SQLE: variants seen among roughly 807,000 people sequenced by gnomAD.
SQLE encodes the protein squalene monooxygenase.
In SQLE, 29 loss-of-function variants were observed where a neutral mutation model predicts 60.7. That is an observed-to-expected ratio of 0.48 (90% CI 0.36 to 0.65). The LOEUF is 0.65. Ranked by LOEUF, SQLE falls within the 30% of genes least tolerant of loss-of-function variation. The probability of loss-of-function intolerance (pLI) is 0.00; values close to 1 mark genes in which losing one functional copy is unlikely to be tolerated. For missense variants in SQLE, 605 were observed against 684.1 expected (o/e 0.88, Z 1.29); for synonymous variants, 237 against 246.8 (o/e 0.96, Z 0.37).
At chr8:125,001,285 A>G (rs889718679) in intron 1 of SQLE, among the ~76,000 whole-genome samples, 13 of 152,122 alleles carry the variant, frequency 8.5e-5, no homozygotes, top group African/African-American at 3.1e-4. Flanking sequence ...GTTACCAGCA[A>G]TCAATATTGG....
At chr8:125,015,202 T>TCA (rs1484582140) in intron 7 of SQLE, among the ~76,000 whole-genome samples, 1 of 152,214 alleles carries the variant, frequency 6.6e-6, no homozygotes, top group East Asian at 1.9e-4. Context: ...ATTTTACTGA[T>TCA]GTAAATATCA....
chr8:125,006,419 A>G (rs28706061), intron 3 of SQLE, among the ~76,000 whole-genome samples: 49,113 of 151,610 alleles, frequency 0.32, 9,304 homozygotes, highest in African/African-American at 0.51. Flanking sequence ...AGGAGTTCAA[A>G]ACCAGCCTGG....
chr8:125,010,925 T>C (rs1332259837), intron 6 of SQLE: 2 of 152,018 alleles, frequency 1.3e-5, no homozygotes, highest in African/African-American at 2.4e-5. Context: ...TAACAGAGGC[T>C]TCTGCTCCTC....
chr8:125,004,024 C>T (rs1354287240), intron 2 of SQLE, among the ~76,000 whole-genome samples: 1 of 152,152 alleles, frequency 6.6e-6, no homozygotes, highest in Non-Finnish European at 1.5e-5. Context: ...GGCTCCATCT[C>T]CAAATATCAT....
intron 1 of SQLE, among the ~76,000 whole-genome samples, chr8:125,002,715 T>C (rs1035575148): frequency 4.6e-5 from 7 of 151,816 alleles, no homozygotes; most frequent in Non-Finnish European, 8.8e-5. Flanking sequence ...AAAAAGAAAA[T>C]GTCTAAAAGG....
intron 7 of SQLE, among the ~76,000 whole-genome samples, chr8:125,014,780 A>G (rs1182297264): frequency 2.6e-5 from 4 of 152,154 alleles, no homozygotes; most frequent in African/African-American, 9.7e-5. Flanking sequence ...AAGATACTTG[A>G]TATGATTTCA....
At chr8:125,020,929 T>C (rs1715162944) in intron 10 of SQLE, 58 bp downstream of exon 10, 4 of 1,163,292 alleles carry the variant, frequency 3.4e-6, no homozygotes, top group Admixed American at 1.8e-5. Context: ...GACTGTTCAG[T>C]TGATGAATTA....
chr8:125,005,802 T>G (rs1814937801), intron 3 of SQLE, 97 bp downstream of exon 3: 1 of 1,076,762 alleles, frequency 9.3e-7, no homozygotes, highest in Non-Finnish European at 1.3e-6. Flanking sequence ...AATGAATTTT[T>G]GGGGCATAGT....
At chr8:125,002,612 C>T (rs1484615922) in intron 1 of SQLE, among the ~76,000 whole-genome samples, 1 of 152,044 alleles carries the variant, frequency 6.6e-6, no homozygotes, top group Non-Finnish European at 1.5e-5. Context: ...AGGAGGCGGA[C>T]GTTGCAGTGA....
chr8:125,021,743 TC>T lies in SQLE; in HGVS notation c.1533-9del, dbSNP rs753544039. On this transcript the variant is annotated splice_polypyrimidine_tract_variant and intron_variant, in intron 10 of 10. Coordinates refer to ENST00000265896, the MANE Select transcript of SQLE (RefSeq NM_003129.4). The stretch of plus-strand genomic sequence containing the variant: ...TGAGTCTTACCAATATGTATTTTTT[TC>T]TATTACAGATTGTCTCCTAACCCTC... 6.4e-7 allele frequency: 1 copy of T among 1,567,880 alleles called. No homozygotes were observed. Among genetic ancestry groups the T allele is most frequent in the East Asian group, 2.3e-5 (1 of 44,036 alleles).
Position 124,998,757 on chromosome 8 carries a change from T to A in SQLE, c.-647T>A. 1 of 530,170 alleles carries A rather than the reference T, an allele frequency of 1.9e-6. No individual in the cohort carries two copies. The highest frequency in any genetic ancestry group is 3.4e-6 in the Non-Finnish European group (1 of 297,472). 32.8% of individuals were successfully genotyped at this position (530,170 alleles called of 1,614,324 possible). ...TCTTTAGGTTGGGGCTGCATTGCCC[T>A]GGAGCCGCACTCTTGAGTCCGAGGC... On this transcript the variant is annotated 5_prime_UTR_variant, in exon 1 of 11. Transcript: ENST00000265896.
At chr8:125,017,987 A>G in intron 7 of SQLE, 72 bp from the exon 8 acceptor site, 1 of 1,461,750 alleles carries the variant, frequency 6.8e-7, no homozygotes. Context: ...TAATCTTTAT[A>G]CATTGAGTTA....
rs1248340545 is a variant in SQLE at position 124,999,312 on chromosome 8, T to C, written c.-92T>C. 5 of 1,294,052 alleles carry C rather than the reference T, an allele frequency of 3.9e-6. No individual in the cohort carries two copies. Among genetic ancestry groups the C allele is most frequent in the African/African-American group, 1.5e-5 (1 of 65,860 alleles). The allele number at this position is 1,294,052 out of a possible 1,614,324, so 80.2% of individuals were successfully genotyped here. On this transcript the variant is annotated 5_prime_UTR_variant, in exon 1 of 11. Transcript: ENST00000265896. ...CTGGAGTCTGGCCGGCTCTCCGTGC[T>C]CCTCTTGGTACCTCATTTTGGGGAG...
At chr8:125,001,486 GTGTA>G (rs776048009) in intron 1 of SQLE, among the ~76,000 whole-genome samples, 1,230 of 118,266 alleles carry the variant, frequency 0.01, 15 homozygotes, top group Middle Eastern at 0.025. Flanking sequence ...GTGTGTGTGT[GTGTA>G]TATAAAACAG....
chr8:125,007,354 G>C (rs961033049), intron 3 of SQLE, 37 bp from the exon 4 acceptor site: 1 of 1,426,846 alleles, frequency 7.0e-7, no homozygotes, highest in African/African-American at 1.4e-5. Flanking sequence ...TTGCTGAAAT[G>C]TGCTGCTTTA....
rs763408656 is a variant in SQLE, at chr8:125,009,157, TTTTA to T, written c.937-11_937-8del. 30 of 1,573,706 alleles carry T rather than the reference TTTTA, an allele frequency of 1.9e-5. No individual in the cohort carries two copies. The highest frequency in any genetic ancestry group is 3.4e-4 in the Middle Eastern group (2 of 5,886). On this transcript the variant is annotated splice_polypyrimidine_tract_variant and intron_variant, in intron 5 of 10. Coordinates refer to ENST00000265896, the MANE Select transcript of SQLE (RefSeq NM_003129.4). ...TTTGAAAATTATTAAAACATTTTCT[TTTTA>T]TTTGTTTTAGAATGCACCACAGTTT...
chr8:125,007,718 T>C (rs1814976924), intron 4 of SQLE, among the ~76,000 whole-genome samples: 1 of 152,228 alleles, frequency 6.6e-6, no homozygotes, highest in African/African-American at 2.4e-5. Flanking sequence ...CTAATGAGTA[T>C]TTTGTTTGTC....
chr8:125,004,129 T>TAC (rs1814909708), intron 2 of SQLE, among the ~76,000 whole-genome samples: 1 of 152,192 alleles, frequency 6.6e-6, no homozygotes, highest in African/African-American at 2.4e-5. Context: ...CTAATATATA[T>TAC]ACTAGAGTCC....
chr8:125,002,150 AAGG>A (rs1486908263), intron 1 of SQLE, among the ~76,000 whole-genome samples: 1 of 152,138 alleles, frequency 6.6e-6, no homozygotes, highest in Non-Finnish European at 1.5e-5. Flanking sequence ...GATGGGGAAA[AAGG>A]AGGGATAAAT....
Sources: gnomAD v4.1 joint callset for allele counts (sites outside exome capture counted in the v4.1 genomes callset) on GRCh38, gnomAD v4.1.1 for gene constraint, MANE v1.5 for transcripts, NCBI Gene and HGNC (gene_info 2026-07-23, HGNC 2026-07-21) for gene names.